The following SSH2 variants were observed in gnomAD, a reference collection of about 807,000 sequenced individuals.
SSH2 encodes protein phosphatase Slingshot homolog 2.
SSH2 carries 37 observed loss-of-function variants against 135.2 expected under a neutral mutation model. The observed-to-expected ratio is 0.27, with a 90% CI of 0.21 to 0.36. SSH2 has a LOEUF of 0.36. SSH2 is among the 10% of genes least tolerant of loss of function. The probability of loss-of-function intolerance (pLI) is 1.00; values close to 1 mark genes in which losing one functional copy is unlikely to be tolerated. For synonymous variants in SSH2, 628 were observed against 646.2 expected (o/e 0.97, Z 0.43); for missense variants, 1,408 against 1,765.3 (o/e 0.80, Z 3.63).
intron 3 of SSH2, among the ~76,000 whole-genome samples, chr17:29,711,094 T>A (rs1598855746): frequency 6.6e-6 from 1 of 152,198 alleles, no homozygotes; most frequent in African/African-American, 2.4e-5. Flanking sequence ...CTGGGCCACA[T>A]GAGTAAACCA....
intron 3 of SSH2, among the ~76,000 whole-genome samples, chr17:29,727,906 C>T (rs1435019354): frequency 1.3e-5 from 2 of 152,170 alleles, no homozygotes; most frequent in Non-Finnish European, 2.9e-5. Flanking sequence ...GCAGGCCAGG[C>T]GCGATCGCTC....
At chr17:29,812,805 G>C (rs1167357392) in intron 2 of SSH2, among the ~76,000 whole-genome samples, 1 of 151,544 alleles carries the variant, frequency 6.6e-6, no homozygotes, top group African/African-American at 2.4e-5. Context: ...CAGGAGAATG[G>C]CGAGAACCAG....
rs1424839056 is a variant in SSH2, at chr17:29,770,620, GCAC to G, written c.188+23271_188+23273del. Among the ~76,000 whole-genome samples the G allele has an allele frequency of 2.0e-5, 3 of 151,974 alleles. No individual in the cohort carries two copies. In the East Asian group the frequency reaches 5.8e-4, roughly 29 times the overall value. On this transcript the variant is annotated intron_variant, in intron 3 of 15. Coordinates refer to ENST00000540801, the MANE Select transcript of SSH2 (RefSeq NM_001282129.2). The stretch of plus-strand genomic sequence containing the variant: ...CCTGAGTAGCTGGGACTACAGGTGT[GCAC>G]CACCACGCCCAGGTAATTTTTGTAT...
intron 2 of SSH2, among the ~76,000 whole-genome samples, chr17:29,798,890 T>C (rs1057329542): frequency 6.6e-6 from 1 of 152,238 alleles, no homozygotes; most frequent in Non-Finnish European, 1.5e-5. Context: ...TTGGTATTAT[T>C]TGAATATTTT....
At chr17:29,719,449 T>C (rs1191759245) in intron 3 of SSH2, among the ~76,000 whole-genome samples, 2 of 150,778 alleles carry the variant, frequency 1.3e-5, no homozygotes, top group African/African-American at 4.9e-5. Context: ...GAGGTGGAGG[T>C]TGCAGTAAGC....
chr17:29,718,564 T>C, intron 3 of SSH2, among the ~76,000 whole-genome samples: 1 of 151,828 alleles, frequency 6.6e-6, no homozygotes. Flanking sequence ...AAACCTTGTC[T>C]CTACTAAAAA....
At chr17:29,763,458 TTC>T (rs1420854570) in intron 3 of SSH2, among the ~76,000 whole-genome samples, 2 of 151,874 alleles carry the variant, frequency 1.3e-5, no homozygotes, top group African/African-American at 4.8e-5. Flanking sequence ...TTGAAACTTC[TTC>T]CAGACTGTAA....
At chr17:29,800,064 C>T (rs944338306) in intron 2 of SSH2, among the ~76,000 whole-genome samples, 4 of 152,084 alleles carry the variant, frequency 2.6e-5, no homozygotes, top group Non-Finnish European at 5.9e-5. Context: ...GTGCCAAAAG[C>T]GTAGAAAATT....
intron 6 of SSH2, among the ~76,000 whole-genome samples, chr17:29,677,968 TACTG>T (rs1211375451): frequency 3.3e-5 from 5 of 152,222 alleles, no homozygotes; most frequent in Non-Finnish European, 5.9e-5. Flanking sequence ...GAAGAAAACT[TACTG>T]ACTCAGCTTC....
In SSH2 at chr17:29,655,557, T is replaced by A; in HGVS notation, c.1079+4A>T. 6.2e-7 allele frequency: 1 copy of A among 1,614,030 alleles called. No individual in the cohort carries two copies. The highest frequency in any genetic ancestry group is 8.5e-7 in the Non-Finnish European group (1 of 1,179,890). On this transcript the variant is annotated splice_donor_region_variant and intron_variant, in intron 12 of 15. Transcript: ENST00000540801. Reference sequence around the variant, plus strand: ...GGGTGCCAGCTATTGCTTTGTGTGCTTACCCTCGGTTCTGTAAGTCCTCTA... The same window carrying A: ...GGGTGCCAGCTATTGCTTTGTGTGCATACCCTCGGTTCTGTAAGTCCTCTA...
At chr17:29,715,119 G>A (rs973681854) in intron 3 of SSH2, among the ~76,000 whole-genome samples, 1 of 151,706 alleles carries the variant, frequency 6.6e-6, no homozygotes, top group Admixed American at 6.6e-5. Flanking sequence ...CACCAGCCTC[G>A]GCCTCCCAAA....
chr17:29,816,045 T>G (rs1450682201), intron 2 of SSH2, among the ~76,000 whole-genome samples: 1 of 151,954 alleles, frequency 6.6e-6, no homozygotes, highest in Admixed American at 6.6e-5. Context: ...GACAGGGTTT[T>G]GCCATGTTGG....
chr17:29,880,967 CACA>C (rs1252800842), intron 1 of SSH2, among the ~76,000 whole-genome samples: 1 of 152,080 alleles, frequency 6.6e-6, no homozygotes, highest in East Asian at 1.9e-4. Flanking sequence ...CAGCATATCC[CACA>C]ACAATTCATT....
chr17:29,884,737 T>A lies in SSH2; in HGVS notation c.64-35808A>T, dbSNP rs368874679. ...CTTCTATCTTTATTTCACCTCATAA[T>A]CCATCATCAGGCCTCTACCACTTCA... On this transcript the variant is annotated intron_variant, in intron 1 of 15. Transcript: ENST00000540801. Among the ~76,000 whole-genome samples, 85 of 152,290 alleles carry A rather than the reference T, an allele frequency of 5.6e-4. 1 individual carries two copies. The highest frequency in any genetic ancestry group is 2.0e-3 in the African/African-American group (84 of 41,568).
intron 11 of SSH2, among the ~76,000 whole-genome samples, chr17:29,665,353 T>C (rs1286943884): frequency 1.3e-5 from 2 of 152,184 alleles, no homozygotes; most frequent in Non-Finnish European, 2.9e-5. Context: ...TCATGAGTAA[T>C]TTCATAGCTA....
intron 3 of SSH2, among the ~76,000 whole-genome samples, chr17:29,739,923 C>A (rs539120522): frequency 2.6e-5 from 4 of 152,170 alleles, no homozygotes; most frequent in African/African-American, 9.7e-5. Context: ...CTTTTCTGCT[C>A]CTGCTGACTG....
At chr17:29,854,525 A>G (rs1255846298) in intron 1 of SSH2, among the ~76,000 whole-genome samples, 4 of 151,902 alleles carry the variant, frequency 2.6e-5, no homozygotes, top group Non-Finnish European at 5.9e-5. Flanking sequence ...AATTATAGTA[A>G]TAAAATGTTG....
chr17:29,643,106 T>A (rs1389295714), intron 14 of SSH2: 7 of 984,794 alleles, frequency 7.1e-6, no homozygotes, highest in African/African-American at 1.7e-5. Flanking sequence ...CTTACCTAAA[T>A]TGCAAGGCTT....
At position 29,718,398 on chromosome 17, in the gene SSH2, C is replaced by T. The variant is rs1241804650; in HGVS notation, c.189-15336G>A. On this transcript the variant is annotated intron_variant, in intron 3 of 15. Transcript: ENST00000540801. ...ACTCCTTATTAGTTATCTATTGATG[C>T]ATAGCAAATTATCCTAAAACTTAAA... Among the ~76,000 whole-genome samples, 4 of 152,238 alleles carry T rather than the reference C, an allele frequency of 2.6e-5. No homozygotes were observed. In the South Asian group the frequency reaches 6.2e-4, roughly 24 times the overall value.
Sources: allele counts gnomAD v4.1 joint callset (sites outside exome capture counted in the v4.1 genomes callset), GRCh38; gene constraint gnomAD v4.1.1; transcripts MANE v1.5; gene names NCBI Gene and HGNC (gene_info 2026-07-23, HGNC 2026-07-21).